Variants in TNFRSF1B observed in about 807,000 individuals in gnomAD.
TNFRSF1B encodes tumor necrosis factor receptor superfamily member 1B.
Under a neutral mutation model 44.6 loss-of-function variants are expected in TNFRSF1B, and 19 were observed. The ratio of observed to expected loss-of-function variants is 0.43; its 90% CI spans 0.30 to 0.62. The LOEUF (loss-of-function observed/expected upper bound fraction) is 0.62. TNFRSF1B is among the 20% of genes least tolerant of loss of function. The pLI is 0.16. For synonymous variants in TNFRSF1B, 252 were observed against 261.1 expected (o/e 0.97, Z 0.34); for missense variants, 541 against 619.9 (o/e 0.87, Z 1.35).
At chr1:12,183,654 TTTTATCTA>T (rs759320455) in intron 1 of TNFRSF1B, among the ~76,000 whole-genome samples, 3 of 127,856 alleles carry the variant, frequency 2.3e-5, no homozygotes, top group Non-Finnish European at 3.3e-5. Context: ...ATTTTATCTA[TTTTATCTA>T]TCTATCTATC....
At chr1:12,192,771 C>A in intron 5 of TNFRSF1B, 92 bp from the exon 6 acceptor site, 1 of 1,150,442 alleles carries the variant, frequency 8.7e-7, no homozygotes. Context: ...TCGTCACTCT[C>A]CTATCCTGCC....
intron 4 of TNFRSF1B, 72 bp from the exon 5 acceptor site, chr1:12,192,359 G>T (rs1007405508): frequency 6.9e-7 from 1 of 1,442,332 alleles, no homozygotes. Flanking sequence ...CCTCTCCTAG[G>T]GCTCTAGTGC....
At chr1:12,172,231 C>T (rs138196104) in intron 1 of TNFRSF1B, among the ~76,000 whole-genome samples, 1 of 152,292 alleles carries the variant, frequency 6.6e-6, no homozygotes, top group East Asian at 1.9e-4. Context: ...TCTGGACCCT[C>T]GTCTGGCCAC....
rs564617314 is a variant in TNFRSF1B, at chr1:12,193,080, G to T, written c.769G>T (p.Asp257Tyr). 1 of 1,613,886 alleles carries T rather than the reference G, an allele frequency of 6.2e-7. No homozygotes were observed. Among genetic ancestry groups the T allele is most frequent in the Non-Finnish European group, 8.5e-7 (1 of 1,179,904 alleles). ...PSPPAEGSTGDFALPVGLIVG... is the reference protein window; with the variant it reads ...PSPPAEGSTGYFALPVGLIVG... ...CCCCCCAGCTGAAGGGAGCACTGGC[G>T]ACTTCGCTCTTCCAGTTGGTAAGTC... The change falls in exon 6 of 10, where the codon GAC (aspartate) becomes TAC (tyrosine). Residue 257 changes from aspartate (D) to tyrosine (Y), a missense_variant. Coordinates refer to ENST00000376259, the MANE Select transcript of TNFRSF1B (RefSeq NM_001066.3).
In TNFRSF1B at chr1:12,188,872, T is replaced by A. The variant is rs749226357; in HGVS notation, c.155T>A (p.Met52Lys). The A allele has an allele frequency of 2.5e-6, 4 of 1,613,614 alleles. No homozygotes were observed. In the African/African-American group the frequency reaches 5.3e-5, roughly 22 times the overall value. ...LREYYDQTAQ[M>K]CCSKCSPGQH... ...GAATACTATGACCAGACAGCTCAGA[T>A]GTGCTGCAGCAAATGCTCGCCGGGT... The change falls in exon 2 of 10, where the codon ATG (methionine) becomes AAG (lysine). Residue 52 changes from methionine to lysine, a missense_variant. Coordinates refer to ENST00000376259, the MANE Select transcript of TNFRSF1B (RefSeq NM_001066.3).
Position 12,191,845 on chromosome 1 carries a change from G to T in TNFRSF1B, c.379G>T (p.Ala127Ser), listed in dbSNP as rs138462821. Residue 127 changes from alanine to serine, a missense_variant, in exon 4 of 10, where the codon GCG (alanine) becomes TCG (serine). Coordinates refer to ENST00000376259, the MANE Select transcript of TNFRSF1B (RefSeq NM_001066.3). ...ICTCRPGWYC[A>S]LSKQEGCRLC... ...CACCTGCAGGCCCGGCTGGTACTGCGCGCTGAGCAAGCAGGAGGGGTGCCG... is the reference window on the plus strand; with the variant it reads ...CACCTGCAGGCCCGGCTGGTACTGCTCGCTGAGCAAGCAGGAGGGGTGCCG... The T allele has an allele frequency of 1.3e-4, 215 of 1,612,758 alleles. 1 individual carries two copies. The highest frequency in any genetic ancestry group is 1.0e-4 in the Admixed American group (6 of 59,974).
intron 3 of TNFRSF1B, 163 bp from the exon 4 acceptor site, chr1:12,191,611 C>T (rs563370791): frequency 2.5e-6 from 2 of 785,470 alleles, no homozygotes; most frequent in East Asian, 5.4e-5. Flanking sequence ...GCAGGACTGC[C>T]GGTCCTGCCC....
chr1:12,174,154 T>TCTTCTTCTTCTC (rs1557623648), intron 1 of TNFRSF1B, among the ~76,000 whole-genome samples: 3 of 73,996 alleles, frequency 4.1e-5, no homozygotes, highest in African/African-American at 1.3e-4. Context: ...TTCTTCTTCT[T>TCTTCTTCTTCTC]CTTCTTCTTC....
In TNFRSF1B at chr1:12,202,234, T is replaced by C. The variant is rs138797993; in HGVS notation, c.1105+63T>C. ...TCCTTGGTCTTTCTCACCTGGTTTC[T>C]GTCTTAGCCATCTCCTCCTGAGCCT... On this transcript the variant is annotated intron_variant, in intron 9 of 9. Transcript: ENST00000376259. 63 of 1,523,738 alleles carry C rather than the reference T, an allele frequency of 4.1e-5. No individual in the cohort carries two copies. In the African/African-American group the frequency reaches 8.0e-4, roughly 19 times the overall value. The allele number at this position is 1,523,738 out of a possible 1,614,324, so 94.4% of individuals were successfully genotyped here.
intron 9 of TNFRSF1B, among the ~76,000 whole-genome samples, chr1:12,204,829 G>A (rs1249416248): frequency 4.0e-5 from 6 of 151,716 alleles, no homozygotes; most frequent in South Asian, 2.1e-4. Context: ...AAAAAAACCC[G>A]TAGACTTGTC....
rs936016953 is a variant in TNFRSF1B, at chr1:12,168,147, T to A, written c.78+978T>A. On this transcript the variant is annotated intron_variant, in intron 1 of 9. Transcript: ENST00000376259. The surrounding 1 kb of genome is among the most constrained non-coding windows in gnomAD (Gnocchi z 4.7). ...CTCTTCCTCCAAAGGGGGCCTCTCC[T>A]GCCTTCGGCCCCTGTGCCCTGAGGC... 6.6e-5 allele frequency among the ~76,000 whole-genome samples: 10 copies of A among 152,266 alleles called. No homozygotes were observed. The highest frequency in any genetic ancestry group is 2.2e-4 in the African/African-American group (9 of 41,472).
chr1:12,194,024 A>C lies in TNFRSF1B; in HGVS notation c.857A>C (p.Gln286Pro), dbSNP rs1639211690. 1 of 1,613,842 alleles carries C rather than the reference A, an allele frequency of 6.2e-7. No individual in the cohort carries two copies. Among genetic ancestry groups the C allele is most frequent in the Admixed American group, 1.7e-5 (1 of 60,004 alleles). Residue 286 changes from glutamine to proline, a missense_variant, in exon 7 of 10, where the codon CAG becomes CCG. Gln to Pro is a moderately conservative substitution (Grantham distance 76). Coordinates refer to ENST00000376259, the MANE Select transcript of TNFRSF1B (RefSeq NM_001066.3). ...IGVVNCVIMT[Q>P]VKKKPLCLQR... The stretch of plus-strand genomic sequence containing the variant: ...GTGGTGAACTGTGTCATCATGACCC[A>C]GGTGAAAAGTAAGAGTCCATCCTTC...
chr1:12,183,723 A>ATCTATCTAT (rs1557629127), intron 1 of TNFRSF1B, among the ~76,000 whole-genome samples: 6 of 103,604 alleles, frequency 5.8e-5, no homozygotes, highest in African/African-American at 2.2e-4. Flanking sequence ...CTATCTACCT[A>ATCTATCTAT]TCTATCTATC....
chr1:12,194,564 G>A lies in TNFRSF1B; in HGVS notation c.866-20G>A. ...GCCTGAGGAAGTCAATCTCTTACTT[G>A]TCCCCTCTCCTCTTTATAGAGAAGC... On this transcript the variant is annotated intron_variant, in intron 7 of 9. Transcript: ENST00000376259. 6.2e-7 allele frequency: 1 copy of A among 1,614,094 alleles called. No homozygotes were observed. The highest frequency in any genetic ancestry group is 8.5e-7 in the Non-Finnish European group (1 of 1,179,982).
chr1:12,191,416 AGAGCGGGACTTCGGGGAG>A (rs1325999950), intron 3 of TNFRSF1B, among the ~76,000 whole-genome samples: 1 of 149,018 alleles, frequency 6.7e-6, no homozygotes, highest in Admixed American at 6.6e-5. Context: ...ACTGCGGGGA[AGAGCGGGACTTCGGGGAG>A]GAGCGGCACT....
intron 9 of TNFRSF1B, 83 bp downstream of exon 9, chr1:12,202,254 G>C (rs1639410627): frequency 5.3e-6 from 8 of 1,504,082 alleles, no homozygotes; most frequent in Non-Finnish European, 7.1e-6. Flanking sequence ...ATCTCCTCCT[G>C]AGCCTCCCCG....
chr1:12,180,556 C>T lies in TNFRSF1B; in HGVS notation c.79-8240C>T, dbSNP rs911818426. Reference sequence around the variant, plus strand: ...GCTGACGCAAACTCCAGAATCAGACCTGCCCTGGCCACCTGGCCCTGCCCC... The same window carrying T: ...GCTGACGCAAACTCCAGAATCAGACTTGCCCTGGCCACCTGGCCCTGCCCC... On this transcript the variant is annotated intron_variant, in intron 1 of 9. Transcript: ENST00000376259. The surrounding 1 kb of genome is among the most constrained non-coding windows in gnomAD (Gnocchi z 4.3). Among the ~76,000 whole-genome samples, 1 of 152,220 alleles carries T rather than the reference C, an allele frequency of 6.6e-6. No individual in the cohort carries two copies. The highest frequency in any genetic ancestry group is 2.4e-5 in the African/African-American group (1 of 41,464).
chr1:12,189,013 G>A, intron 2 of TNFRSF1B, 118 bp downstream of exon 2: 1 of 813,064 alleles, frequency 1.2e-6, no homozygotes, highest in Admixed American at 2.8e-5. Flanking sequence ...CTATGCACTG[G>A]CCCATGCTCC....
At chr1:12,192,589 C>G (rs1165050813) in intron 5 of TNFRSF1B, 65 bp downstream of exon 5, 2 of 1,487,832 alleles carry the variant, frequency 1.3e-6, no homozygotes, top group Non-Finnish European at 1.9e-6. Flanking sequence ...GACTGTGGGT[C>G]CAGGACACAG....
Sources: gnomAD v4.1 joint callset for allele counts (sites outside exome capture counted in the v4.1 genomes callset) on GRCh38, gnomAD v4.1.1 for gene constraint, Gnocchi (gnomAD v3.1) non-coding constraint, MANE v1.5 for transcripts, NCBI Gene and HGNC (gene_info 2026-07-23, HGNC 2026-07-21) for gene names.